The following KIF14 variants were observed in gnomAD, a reference collection of about 807,000 sequenced individuals.
KIF14 encodes the protein kinesin-like protein KIF14.
KIF14 carries 98 observed loss-of-function variants against 176.2 expected under a neutral mutation model. The observed-to-expected ratio is 0.56, with a 90% CI of 0.47 to 0.66. The LOEUF (loss-of-function observed/expected upper bound fraction) is 0.66. Ranked by LOEUF, KIF14 falls within the 30% of genes least tolerant of loss-of-function variation. The pLI, the probability that KIF14 is intolerant of heterozygous loss-of-function variation, is 0.00. For missense variants in KIF14, 1,751 were observed against 1,920.4 expected, an observed-to-expected ratio of 0.91 and a Z score of 1.65; for synonymous variants, 566 against 632.2, an observed-to-expected ratio of 0.90 and a Z score of 1.57.
At chr1:200,594,816 G>C (rs1402239983) in intron 14 of KIF14, among the ~76,000 whole-genome samples, 1 of 152,196 alleles carries the variant, frequency 6.6e-6, no homozygotes, top group Non-Finnish European at 1.5e-5. Flanking sequence ...TTTAATTAAA[G>C]CATCTAGAGA....
chr1:200,615,304 CA>C, intron 3 of KIF14, 50 bp downstream of exon 3: 1 of 1,543,420 alleles, frequency 6.5e-7, no homozygotes. Flanking sequence ...CCACTTCTCA[CA>C]AAAGTATATT....
At chr1:200,574,256 T>C (rs1174713376) in intron 22 of KIF14, among the ~76,000 whole-genome samples, 2 of 152,174 alleles carry the variant, frequency 1.3e-5, no homozygotes, top group Admixed American at 1.3e-4. Flanking sequence ...AACCCAAATA[T>C]ACACCTGGAT....
intron 23 of KIF14, among the ~76,000 whole-genome samples, chr1:200,567,794 A>C (rs188950007): frequency 1.3e-5 from 2 of 152,022 alleles, no homozygotes; most frequent in African/African-American, 4.8e-5. Flanking sequence ...ATAAAGGCAT[A>C]GGATGAGGAA....
intron 12 of KIF14, 82 bp from the exon 13 acceptor site, chr1:200,600,195 T>G (rs1483414803): frequency 8.4e-7 from 1 of 1,196,672 alleles, no homozygotes; most frequent in Non-Finnish European, 1.2e-6. Context: ...CAATGAAAAT[T>G]AGGCAACTAC....
rs1370032741 is a variant in KIF14, at chr1:200,618,637, G to A, written c.87C>T (p.Ala29=). 1 of 1,613,942 alleles carries A rather than the reference G, an allele frequency of 6.2e-7. No homozygotes were observed. The highest frequency in any genetic ancestry group is 2.2e-5 in the East Asian group (1 of 44,880). Residue 29 remains alanine (A), a synonymous_variant, in exon 2 of 30, where the codon GCC becomes GCT. Coordinates refer to ENST00000367350, the MANE Select transcript of KIF14 (RefSeq NM_014875.3). ...PSSQNSSSLN[A]LTHSSRLKLH... Reference sequence around the variant, plus strand: ...GCTTAAGTCGGCTACTGTGGGTGAGGGCATTCAGTGATGAACTATTTTGGG... The same window carrying A: ...GCTTAAGTCGGCTACTGTGGGTGAGAGCATTCAGTGATGAACTATTTTGGG...
chr1:200,612,955 T>G (rs1295947743), intron 4 of KIF14, among the ~76,000 whole-genome samples: 1 of 141,576 alleles, frequency 7.1e-6, no homozygotes, highest in Non-Finnish European at 1.5e-5. Flanking sequence ...TGGCGCGATC[T>G]CGGCTCACTG....
intron 15 of KIF14, among the ~76,000 whole-genome samples, 195 bp from the exon 16 acceptor site, chr1:200,592,435 G>A (rs1659101396): frequency 6.6e-6 from 1 of 152,022 alleles, no homozygotes; most frequent in Non-Finnish European, 1.5e-5. Flanking sequence ...GAGTGCAATG[G>A]CACAATCTCA....
chr1:200,553,313 C>T lies in KIF14; in HGVS notation c.*75G>A. The T allele has an allele frequency of 7.0e-7, 1 of 1,432,222 alleles. No individual in the cohort carries two copies. 88.7% of individuals were successfully genotyped at this position (1,432,222 alleles called of 1,614,324 possible). A position where few individuals can be genotyped will look rare whatever the true frequency, so the allele number is the denominator to read the frequency against. ...CTGTGCTGATTTCTCTTAAACTCTC[C>T]TGCATAAAGAAAATTACCGAGCAAG... On this transcript the variant is annotated 3_prime_UTR_variant, in exon 30 of 30. Coordinates refer to ENST00000367350, the MANE Select transcript of KIF14 (RefSeq NM_014875.3).
At chr1:200,599,184 G>C (rs1659510106) in intron 13 of KIF14, among the ~76,000 whole-genome samples, 1 of 151,996 alleles carries the variant, frequency 6.6e-6, no homozygotes, top group African/African-American at 2.4e-5. Flanking sequence ...TAAATTCCCT[G>C]GTCACTTTTT....
At chr1:200,587,862 A>T (rs1225055298) in intron 18 of KIF14, among the ~76,000 whole-genome samples, 4 of 152,162 alleles carry the variant, frequency 2.6e-5, no homozygotes, top group Non-Finnish European at 5.9e-5. Context: ...TTCAAGATTT[A>T]AACAGTTCTA....
rs779556860 is a variant in KIF14 at position 200,593,768 on chromosome 1, T to C, written c.2551A>G (p.Thr851Ala). 3.8e-6 allele frequency: 6 copies of C among 1,577,084 alleles called. No individual in the cohort carries two copies. The South Asian group carries it at 5.5e-5, about 15-fold the overall frequency. The change falls in exon 15 of 30, where the codon ACT becomes GCT. Residue 851 changes from threonine (T) to alanine (A), a missense_variant and splice_region_variant. Coordinates refer to ENST00000367350, the MANE Select transcript of KIF14 (RefSeq NM_014875.3). ...ACTGTCCCACCAAAATTTTTGATAG[T>C]ACTGTTAAAATAAGAAGCACATAGT... ...SGVLIADDHC[T>A]IKNFGGTVSI...
chr1:200,574,701 C>G (rs1182711471), intron 22 of KIF14, among the ~76,000 whole-genome samples: 3 of 152,178 alleles, frequency 2.0e-5, no homozygotes, highest in African/African-American at 7.2e-5. Context: ...CATTTTGCCT[C>G]TCTATAATCT....
At position 200,554,645 on chromosome 1, in the gene KIF14, C is replaced by T. The variant is rs147978551; in HGVS notation, c.4429-39G>A. On this transcript the variant is annotated intron_variant, in intron 28 of 29. Transcript: ENST00000367350. ...GTTAATATTTAAAATAATACATTAACAGGCTCAATGGCAGTAAGGCTCAGT... is the reference window on the plus strand; with the variant it reads ...GTTAATATTTAAAATAATACATTAATAGGCTCAATGGCAGTAAGGCTCAGT... 1,025 of 1,059,976 alleles carry T rather than the reference C, an allele frequency of 9.7e-4. 8 individuals are homozygous for T. In the African/African-American group the frequency reaches 0.015, roughly 15 times the overall value. 65.7% of individuals were successfully genotyped at this position (1,059,976 alleles called of 1,614,324 possible).
chr1:200,560,357 T>C (rs1270249249), intron 26 of KIF14, among the ~76,000 whole-genome samples: 1 of 151,986 alleles, frequency 6.6e-6, no homozygotes, highest in Non-Finnish European at 1.5e-5. Flanking sequence ...ACGCAACCTC[T>C]GTCTCCTGGG....
intron 27 of KIF14, among the ~76,000 whole-genome samples, chr1:200,558,234 C>T (rs1220288283): frequency 6.6e-6 from 1 of 152,170 alleles, no homozygotes; most frequent in African/African-American, 2.4e-5. Context: ...GGATTACAGG[C>T]ATGAGCTACC....
intron 16 of KIF14, among the ~76,000 whole-genome samples, chr1:200,591,043 A>C (rs1436172048): frequency 6.6e-6 from 1 of 151,814 alleles, no homozygotes; most frequent in African/African-American, 2.4e-5. Flanking sequence ...AAACCAAAAA[A>C]CAAACAAAAA....
In KIF14 at chr1:200,618,227, A is replaced by T. The variant is rs1660506995; in HGVS notation, c.497T>A (p.Ile166Asn). The change falls in exon 2 of 30, where the codon ATT becomes AAT. Residue 166 changes from isoleucine to asparagine, a missense_variant. Physicochemically the swap from Ile to Asn is moderately radical, Grantham distance 149 (BLOSUM62 -3). Coordinates refer to ENST00000367350, the MANE Select transcript of KIF14 (RefSeq NM_014875.3). ...AAAAGAGTTTTTAGCATTATTTACA[A>T]TCCTTACATTTGTTCTACTTTCCTT... ...VSKESRTNVR[I>N]VNNAKNSFVA... is the part of the protein sequence containing the mutation. 1 of 1,613,910 alleles carries T rather than the reference A, an allele frequency of 6.2e-7. No individual in the cohort carries two copies. Among genetic ancestry groups the T allele is most frequent in the Admixed American group, 1.7e-5 (1 of 60,010 alleles).
rs1656681941 is a variant in KIF14 at position 200,553,715 on chromosome 1, G to A, written c.4620C>T (p.Asn1540=). Residue 1540 remains asparagine, a synonymous_variant, in exon 30 of 30, where the codon AAC becomes AAT. Coordinates refer to ENST00000367350, the MANE Select transcript of KIF14 (RefSeq NM_014875.3). ...LLQTCVESIR[N]LASDFYSDFS... ...AGTCACTGTAAAAATCACTGGCCAAGTTGCGAATACTTTCAACACAAGTCT... is the reference window on the plus strand; with the variant it reads ...AGTCACTGTAAAAATCACTGGCCAAATTGCGAATACTTTCAACACAAGTCT... The A allele has an allele frequency of 6.2e-7, 1 of 1,611,742 alleles. No homozygotes were observed. Among genetic ancestry groups the A allele is most frequent in the East Asian group, 2.2e-5 (1 of 44,776 alleles).
chr1:200,603,964 A>C lies in KIF14; in HGVS notation c.1747-9T>G. ...CCTTCCACAAATTCTGTCTACAGCA[A>C]AATGATATTAAATTAAATTAAGTTC... On this transcript the variant is annotated splice_polypyrimidine_tract_variant and intron_variant, in intron 8 of 29. Transcript: ENST00000367350. 6.7e-7 allele frequency: 1 copy of C among 1,489,122 alleles called. No homozygotes were observed. Among genetic ancestry groups the C allele is most frequent in the Non-Finnish European group, 9.4e-7 (1 of 1,066,092 alleles). The allele number at this position is 1,489,122 out of a possible 1,614,324, so 92.2% of individuals were successfully genotyped here.
Sources: allele counts gnomAD v4.1 joint callset (sites outside exome capture counted in the v4.1 genomes callset), GRCh38; gene constraint gnomAD v4.1.1; transcripts MANE v1.5; gene names NCBI Gene and HGNC (gene_info 2026-07-23, HGNC 2026-07-21).